Variants in CWC27 observed in about 807,000 individuals in gnomAD.
CWC27 encodes the protein spliceosome-associated protein CWC27 homolog.
In CWC27, 47 loss-of-function variants were observed where a neutral mutation model predicts 63.6. The ratio of observed to expected loss-of-function variants is 0.74; its 90% CI spans 0.58 to 0.94. The LOEUF (loss-of-function observed/expected upper bound fraction) is 0.94, where lower values mean the gene tolerates loss of function less well. Among genes scored for constraint, CWC27 ranks in the 40% least tolerant of loss-of-function variants. CWC27 has a pLI of 0.00. For synonymous variants in CWC27, 175 were observed against 179.8 expected (o/e 0.97, Z 0.22); for missense variants, 495 against 554.3 (o/e 0.89, Z 1.07).
intron 11 of CWC27, among the ~76,000 whole-genome samples, chr5:64,908,627 C>G (rs1219810833): frequency 6.6e-6 from 1 of 152,224 alleles, no homozygotes; most frequent in East Asian, 1.9e-4. Flanking sequence ...GATCCCTTTA[C>G]CACTATGTAA....
chr5:64,842,178 ATATT>A lies in CWC27; in HGVS notation c.938+37799_938+37802del, dbSNP rs1319261982. ...GACCATGTGGCCTACAAACCCTAAA[ATATT>A]TATTTAGTACTATCGGGTCCTATAC... On this transcript the variant is annotated intron_variant, in intron 10 of 13. Transcript: ENST00000381070. Among the ~76,000 whole-genome samples, 18 of 152,172 alleles carry A rather than the reference ATATT, an allele frequency of 1.2e-4. No individual in the cohort carries two copies. The East Asian group carries it at 3.5e-3, about 29-fold the overall frequency.
chr5:64,809,402 C>T (rs1580627299), intron 10 of CWC27, among the ~76,000 whole-genome samples: 2 of 152,166 alleles, frequency 1.3e-5, no homozygotes, highest in East Asian at 3.8e-4. Flanking sequence ...CAGTCTCGCT[C>T]TGTTGCCCAG....
At position 64,800,336 on chromosome 5, in the gene CWC27, A is replaced by G. The variant is rs766658991; in HGVS notation, c.749+9A>G. ...GTTCCAGTTGTAGAAAGGTTAGTCC[A>G]TTGTTGGTATGATCCTAAGTTCTTA... is the stretch of plus-strand genomic sequence containing the variant. On this transcript the variant is annotated intron_variant, in intron 8 of 13. Transcript: ENST00000381070. The G allele has an allele frequency of 5.7e-6, 9 of 1,585,822 alleles. No homozygotes were observed. The East Asian group carries it at 6.8e-5, about 12-fold the overall frequency.
chr5:64,993,438 A>T (rs1749576525), intron 13 of CWC27, among the ~76,000 whole-genome samples: 1 of 152,136 alleles, frequency 6.6e-6, no homozygotes, highest in East Asian at 1.9e-4. Flanking sequence ...GTGGTACTAG[A>T]AGGTTCTGTT....
intron 11 of CWC27, among the ~76,000 whole-genome samples, chr5:64,949,174 A>G (rs559386467): frequency 1.2e-4 from 18 of 151,872 alleles, no homozygotes; most frequent in Non-Finnish European, 2.2e-4. Context: ...CCTCAGGGAA[A>G]TTGTTATTTT....
chr5:64,820,932 AC>A (rs1235772839), intron 10 of CWC27, among the ~76,000 whole-genome samples: 1 of 152,026 alleles, frequency 6.6e-6, no homozygotes, highest in Non-Finnish European at 1.5e-5. Context: ...CAAAAAAAAA[AC>A]AAACCTTTGG....
intron 7 of CWC27, among the ~76,000 whole-genome samples, chr5:64,796,139 T>C (rs1052490855): frequency 1.3e-5 from 2 of 151,964 alleles, no homozygotes; most frequent in African/African-American, 4.8e-5. Flanking sequence ...GATTGTGGCC[T>C]CTAAAATATC....
intron 13 of CWC27, among the ~76,000 whole-genome samples, chr5:65,008,327 T>A (rs1458741701): frequency 6.6e-6 from 1 of 152,208 alleles, no homozygotes; most frequent in East Asian, 1.9e-4. Context: ...TTTTGAGACA[T>A]ATGTTTAAAA....
intron 11 of CWC27, among the ~76,000 whole-genome samples, chr5:64,895,313 C>A (rs1254499256): frequency 3.9e-5 from 5 of 129,786 alleles, no homozygotes; most frequent in African/African-American, 6.4e-5. Flanking sequence ...AGACCAACAA[C>A]CTAACAGAAA....
chr5:64,991,380 G>A (rs1309557), intron 13 of CWC27, among the ~76,000 whole-genome samples: 68,062 of 151,904 alleles, frequency 0.45, 15,407 homozygotes, highest in African/African-American at 0.47. Context: ...TCTGAATTCT[G>A]CTATTGTTTG....
intron 11 of CWC27, among the ~76,000 whole-genome samples, chr5:64,896,255 A>G (rs1432632873): frequency 6.6e-6 from 1 of 152,202 alleles, no homozygotes; most frequent in East Asian, 1.9e-4. Context: ...CAAAAGCTGA[A>G]AAACATTGCT....
chr5:64,803,675 A>C (rs2112212932), intron 9 of CWC27, among the ~76,000 whole-genome samples: 1 of 152,294 alleles, frequency 6.6e-6, no homozygotes, highest in East Asian at 1.9e-4. Context: ...CAACAACTCC[A>C]AAGTTGGCTA....
intron 1 of CWC27, among the ~76,000 whole-genome samples, chr5:64,772,930 C>G (rs538287865): frequency 4.7e-5 from 7 of 150,130 alleles, no homozygotes; most frequent in African/African-American, 1.7e-4. Context: ...GGGTGAGACT[C>G]TGTCTCAAAA....
intron 11 of CWC27, among the ~76,000 whole-genome samples, chr5:64,922,942 T>G (rs981459720): frequency 6.6e-6 from 1 of 152,218 alleles, no homozygotes. Flanking sequence ...TGGCTGGGAC[T>G]GGGTCCATGG....
At chr5:64,781,741 G>A (rs1017284937) in intron 2 of CWC27, among the ~76,000 whole-genome samples, 180 bp from the exon 3 acceptor site, 4 of 152,200 alleles carry the variant, frequency 2.6e-5, no homozygotes, top group Admixed American at 1.3e-4. Context: ...GGTTTCTGTA[G>A]AAATGTGTGC....
intron 11 of CWC27, among the ~76,000 whole-genome samples, chr5:64,938,587 G>A (rs1451403317): frequency 6.6e-6 from 1 of 151,988 alleles, no homozygotes; most frequent in Non-Finnish European, 1.5e-5. Context: ...TATGTCTTGG[G>A]GTTGTTCTTC....
chr5:64,854,300 A>T (rs1202522524), intron 10 of CWC27, among the ~76,000 whole-genome samples: 1 of 152,220 alleles, frequency 6.6e-6, no homozygotes, highest in African/African-American at 2.4e-5. Context: ...TTTTGAATAT[A>T]TACCTAGACT....
intron 7 of CWC27, among the ~76,000 whole-genome samples, chr5:64,798,521 G>C (rs1045787334): frequency 3.9e-5 from 6 of 152,208 alleles, no homozygotes; most frequent in Admixed American, 2.6e-4. Context: ...TAGATATATA[G>C]ATTAATTGCA....
At chr5:64,859,585 T>C (rs1746348493) in intron 10 of CWC27, among the ~76,000 whole-genome samples, 1 of 152,196 alleles carries the variant, frequency 6.6e-6, no homozygotes, top group African/African-American at 2.4e-5. Flanking sequence ...TAAGAATTGA[T>C]AGTAGAATGG....
Sources: allele counts gnomAD v4.1 joint callset (sites outside exome capture counted in the v4.1 genomes callset), GRCh38; gene constraint gnomAD v4.1.1; transcripts MANE v1.5; gene names NCBI Gene and HGNC (gene_info 2026-07-23, HGNC 2026-07-21).